Variants in AMOT observed in about 807,000 individuals in gnomAD.
AMOT encodes the protein angiomotin.
AMOT carries 11 observed loss-of-function variants against 67.0 expected under a neutral mutation model. That is an observed-to-expected ratio of 0.16 (90% CI 0.10 to 0.27). The LOEUF (loss-of-function observed/expected upper bound fraction) is 0.27. Ranked by LOEUF, AMOT falls within the 10% of genes least tolerant of loss-of-function variation. The probability of loss-of-function intolerance (pLI) is 1.00; values close to 1 mark genes in which losing one functional copy is unlikely to be tolerated. For missense variants in AMOT, 753 were observed against 852.0 expected, an observed-to-expected ratio of 0.88 and a Z score of 1.45; for synonymous variants, 326 against 321.4, an observed-to-expected ratio of 1.01 and a Z score of -0.15.
chrX:112,787,846 T>C (rs1474825624), intron 10 of AMOT, among the ~76,000 whole-genome samples: 1 of 111,947 alleles, frequency 8.9e-6, no homozygotes, highest in East Asian at 2.8e-4. Context: ...GATTTAGGGA[T>C]ATAATTTATA....
chrX:112,792,385 G>A (rs1475031557), intron 8 of AMOT, among the ~76,000 whole-genome samples: 1 of 112,292 alleles, frequency 8.9e-6, no homozygotes, highest in Admixed American at 9.4e-5. Flanking sequence ...TTAGGCAAAT[G>A]CTTTAAAAGG....
At chrX:112,792,203 C>T (rs1933634782) in intron 8 of AMOT, among the ~76,000 whole-genome samples, 1 of 112,065 alleles carries the variant, frequency 8.9e-6, no homozygotes, top group African/African-American at 3.2e-5. Flanking sequence ...ACCTTTTAAA[C>T]CTCTTCCTTC....
At chrX:112,810,737 A>G (rs974907555) in intron 6 of AMOT, among the ~76,000 whole-genome samples, 1 of 107,317 alleles carries the variant, frequency 9.3e-6, no homozygotes, top group Non-Finnish European at 1.9e-5. Flanking sequence ...AAGAAAAAGG[A>G]AAAAAAAAAG....
chrX:112,815,590 T>A lies in AMOT; in HGVS notation c.1160A>T (p.His387Leu). 8.3e-7 allele frequency: 1 copy of A among 1,209,550 alleles called. No homozygotes were observed. Among genetic ancestry groups the A allele is most frequent in the East Asian group, 3.0e-5 (1 of 33,711 alleles). ...QQQQQQQQHH[H>L]HHHHQQQQQQ... The stretch of plus-strand genomic sequence containing the variant: ...CTGCTGTTGTTGGTGGTGATGGTGA[T>A]GATGGTGCTGCTGCTGCTGTTGCTG... Residue 387 changes from histidine (H) to leucine (L), a missense_variant, in exon 5 of 14, where the codon CAT (histidine) becomes CTT (leucine). His to Leu is a moderately conservative substitution (Grantham distance 99). Coordinates refer to ENST00000371959, the MANE Select transcript of AMOT (RefSeq NM_001113490.2).
intron 10 of AMOT, among the ~76,000 whole-genome samples, chrX:112,787,527 T>A (rs1019260276): frequency 2.7e-5 from 3 of 111,888 alleles, no homozygotes; most frequent in African/African-American, 9.8e-5. Flanking sequence ...GAGGAAGCGA[T>A]CAAATTCAAG....
At chrX:112,812,371 T>C (rs1328759624) in intron 5 of AMOT, among the ~76,000 whole-genome samples, 3 of 111,945 alleles carry the variant, frequency 2.7e-5, no homozygotes, top group Non-Finnish European at 5.6e-5. Flanking sequence ...ATAAAATGCT[T>C]TTAATGCCAG....
intron 9 of AMOT, among the ~76,000 whole-genome samples, chrX:112,791,567 G>A (rs781725775): frequency 3.6e-5 from 4 of 111,993 alleles, no homozygotes; most frequent in Non-Finnish European, 7.5e-5. Context: ...TTCTTACAGC[G>A]TCTACTGTTC....
rs751594188 is a variant in AMOT, at chrX:112,805,053, T to G, written c.1670A>C (p.Glu557Ala). Reference sequence around the variant, plus strand: ...ATTGGTAGAACGGGCAGTGGCCAGCTCCGCTTCCAGCTTCTCCTTCTCACG... The same window carrying G: ...ATTGGTAGAACGGGCAGTGGCCAGCGCCGCTTCCAGCTTCTCCTTCTCACG... ...SQREKEKLEA[E>A]LATARSTNED... is the part of the protein sequence containing the mutation. Residue 557 changes from glutamate (E) to alanine (A), a missense_variant, in exon 8 of 14, where the codon GAG becomes GCG. Physicochemically the swap from Glu to Ala is moderately radical, Grantham distance 107 (BLOSUM62 -1). This residue lies in a region of AMOT where 297 missense variants were observed against 284.3 expected (regional missense o/e 1.04). Transcript: ENST00000371959. 2 of 1,211,845 alleles carry G rather than the reference T, an allele frequency of 1.7e-6. No homozygotes were observed. Among genetic ancestry groups the G allele is most frequent in the Non-Finnish European group, 2.2e-6 (2 of 895,544 alleles).
At chrX:112,805,130 GCTAGCTCAAAGCCTTA>G in intron 7 of AMOT, 38 bp from the exon 8 acceptor site, 1 of 1,207,341 alleles carries the variant, frequency 8.3e-7, no homozygotes, top group Non-Finnish European at 1.1e-6. Context: ...CCAGCCTGGA[GCTAGCTCAAAGCCTTA>G]CCTGAGCAAA....
chrX:112,824,324 CA>C, intron 3 of AMOT, among the ~76,000 whole-genome samples: 1 of 111,437 alleles, frequency 9.0e-6, no homozygotes, highest in East Asian at 2.8e-4. Flanking sequence ...TAAGGATCTT[CA>C]GTAATTGGTG....
intron 8 of AMOT, among the ~76,000 whole-genome samples, chrX:112,802,116 G>A (rs1569397347): frequency 9.0e-6 from 1 of 111,725 alleles, no homozygotes; most frequent in Non-Finnish European, 1.9e-5. Flanking sequence ...TACCTTTCTC[G>A]GTTTAGCAAT....
At chrX:112,802,846 C>A in intron 8 of AMOT, among the ~76,000 whole-genome samples, 1 of 112,205 alleles carries the variant, frequency 8.9e-6, no homozygotes. Context: ...TTTCAGGCAA[C>A]CTTTTCAGCG....
Position 112,791,864 on chromosome X carries a change from C to G in AMOT, c.1894G>C (p.Glu632Gln), listed in dbSNP as rs1933611054. The change falls in exon 9 of 14, where the codon GAG (glutamate) becomes CAG (glutamine). Residue 632 changes from glutamate to glutamine, a missense_variant. By Grantham distance (29) the Glu-to-Gln change is conservative. This residue lies in a region of AMOT where 66 missense variants were observed against 112.9 expected (regional missense o/e 0.58). Transcript: ENST00000371959. ...QLEHRLRTRLERELESLRIQQ... is the reference protein window; with the variant it reads ...QLEHRLRTRLQRELESLRIQQ... ...ATTCTCAGGGATTCCAGTTCCCTCT[C>G]CAGTCGTGTCCGGAGACGGTGCTCT... The G allele has an allele frequency of 1.7e-6, 2 of 1,210,345 alleles. No individual in the cohort carries two copies.
Position 112,815,426 on chromosome X carries a change from A to G in AMOT, c.1324T>C (p.Ser442Pro). ...TGCCTCAAGTTCCGGTTCTCGTCTG[A>G]GAGGATCTCAACCATCTGCTGGGCT... ...SRAQQMVEIL[S>P]DENRNLRQEL... Residue 442 changes from serine (S) to proline (P), a missense_variant, in exon 5 of 14, where the codon TCA becomes CCA. By Grantham distance (74) the Ser-to-Pro change is moderately conservative. Transcript: ENST00000371959. The G allele has an allele frequency of 8.3e-7, 1 of 1,211,968 alleles. No homozygotes were observed. The highest frequency in any genetic ancestry group is 1.1e-6 in the Non-Finnish European group (1 of 895,576).
At position 112,776,621 on chromosome X, in the gene AMOT, T is replaced by C. The variant is rs772270373; in HGVS notation, c.*1946A>G. 1 of 111,920 alleles carries C rather than the reference T, an allele frequency of 8.9e-6. No homozygotes were observed. Among genetic ancestry groups the C allele is most frequent in the South Asian group, 3.8e-4 (1 of 2,625 alleles). The allele number at this position is 111,920 out of a possible 1,213,427, so 9.2% of individuals were successfully genotyped here. On this transcript the variant is annotated 3_prime_UTR_variant, in exon 14 of 14. Coordinates refer to ENST00000371959, the MANE Select transcript of AMOT (RefSeq NM_001113490.2). ...TGGAAGATAATTAGGAAGGATACCA[T>C]TCCTATACTCACAGAGGAACCCCAA...
At position 112,840,490 on chromosome X, in the gene AMOT, C is replaced by G. The variant is rs1935265252; in HGVS notation, c.-327G>C. On this transcript the variant is annotated 5_prime_UTR_variant, in exon 1 of 14. Transcript: ENST00000371959. ...GAAGACAAGGTGACGACTCTCTGCT[C>G]GCTCAAGTGGCTTCGGTCCCGGGCC... 8.9e-6 allele frequency: 1 copy of G among 112,845 alleles called. No homozygotes were observed. Among genetic ancestry groups the G allele is most frequent in the Non-Finnish European group, 1.9e-5 (1 of 53,376 alleles). The allele number at this position is 112,845 out of a possible 1,213,427, so 9.3% of individuals were successfully genotyped here.
chrX:112,834,161 T>G (rs778401301), intron 1 of AMOT, among the ~76,000 whole-genome samples: 2 of 111,993 alleles, frequency 1.8e-5, no homozygotes, highest in Non-Finnish European at 3.8e-5. Flanking sequence ...ATGTCAGCAA[T>G]CCCCTTCCCA....
chrX:112,795,889 C>T (rs906439238), intron 8 of AMOT, among the ~76,000 whole-genome samples: 9 of 111,352 alleles, frequency 8.1e-5, no homozygotes, highest in African/African-American at 2.9e-4. Context: ...TTATTTTGTT[C>T]CATCATCTTT....
At chrX:112,824,978 C>T (rs1298233457) in intron 3 of AMOT, 94 bp downstream of exon 3, 2 of 109,810 alleles carry the variant, frequency 1.8e-5, no homozygotes, top group Non-Finnish European at 3.8e-5. Context: ...CCACGTCACA[C>T]CCACCCCACC....
Sources: allele counts gnomAD v4.1 joint callset (sites outside exome capture counted in the v4.1 genomes callset), GRCh38; gene constraint gnomAD v4.1.1; regional missense constraint gnomAD v4.1.1; transcripts MANE v1.5; gene names NCBI Gene and HGNC (gene_info 2026-07-23, HGNC 2026-07-21).